The following SV2C variants were observed in gnomAD, a reference collection of about 807,000 sequenced individuals.
The protein encoded by SV2C is solute carrier family 22 member B3.
Under a neutral mutation model 79.7 loss-of-function variants are expected in SV2C, and 49 were observed. The ratio of observed to expected loss-of-function variants is 0.61; its 90% CI spans 0.49 to 0.78. The LOEUF (loss-of-function observed/expected upper bound fraction) is 0.78, where lower values mean the gene tolerates loss of function less well. Ranked by LOEUF, SV2C falls within the 30% of genes least tolerant of loss-of-function variation. SV2C has a pLI of 0.00. For missense variants in SV2C, 833 were observed against 912.9 expected, an observed-to-expected ratio of 0.91 and a Z score of 1.13; for synonymous variants, 334 against 333.2, an observed-to-expected ratio of 1.00 and a Z score of -0.03.
intron 4 of SV2C, among the ~76,000 whole-genome samples, chr5:76,260,665 A>T (rs1746434868): frequency 6.6e-6 from 1 of 152,206 alleles, no homozygotes; most frequent in Non-Finnish European, 1.5e-5. Flanking sequence ...TTATATGGCT[A>T]GCCAGTTTTC....
intron 4 of SV2C, among the ~76,000 whole-genome samples, chr5:76,261,474 T>A (rs35836282): frequency 0.61 from 92,154 of 152,016 alleles, 28,377 homozygotes; most frequent in Middle Eastern, 0.73. Flanking sequence ...AACTTCCAAT[T>A]CTATGTTGAA....
At chr5:76,291,583 C>G (rs1006787042) in intron 7 of SV2C, among the ~76,000 whole-genome samples, 185 bp from the exon 8 acceptor site, 2 of 152,194 alleles carry the variant, frequency 1.3e-5, no homozygotes, top group Non-Finnish European at 2.9e-5. Context: ...CTTGAGTTAC[C>G]TTGTCCATTG....
the SV2C span, among the ~76,000 whole-genome samples, chr5:75,878,011 A>G: frequency 6.6e-6 from 1 of 152,108 alleles, no homozygotes; most frequent in Non-Finnish European, 1.5e-5. Context: ...AGATGCTGGA[A>G]CACATCTGTA....
rs367938553 is a variant in SV2C, at chr5:76,291,328, C to T, written c.1245C>T (p.Tyr415=). The part of the protein sequence containing the change: ...RCFVRIRTEL[Y]GIWLTFMRCF... ...TTGTTCGGATCCGCACCGAGCTGTA[C>T]GGAGTAAGTAACAAGTCCCATGATG... The change falls in exon 7 of 13, where the codon TAC becomes TAT. Residue 415 remains tyrosine (Y), a synonymous_variant. Transcript: ENST00000502798. 28 of 1,594,044 alleles carry T rather than the reference C, an allele frequency of 1.8e-5. No homozygotes were observed. The highest frequency in any genetic ancestry group is 4.5e-5 in the South Asian group (4 of 88,108).
At chr5:75,936,012 G>A in the SV2C span, among the ~76,000 whole-genome samples, 1 of 152,182 alleles carries the variant, frequency 6.6e-6, no homozygotes, top group Admixed American at 6.5e-5. Context: ...GTAGCATCAA[G>A]TTATGCTAAA....
At chr5:75,919,496 G>A in the SV2C span, among the ~76,000 whole-genome samples, 1 of 152,088 alleles carries the variant, frequency 6.6e-6, no homozygotes, top group Non-Finnish European at 1.5e-5. Flanking sequence ...ATTATTGCTG[G>A]TTCCCGTAAC....
At chr5:75,988,399 A>G in the SV2C span, among the ~76,000 whole-genome samples, 2 of 151,990 alleles carry the variant, frequency 1.3e-5, no homozygotes, top group African/African-American at 4.8e-5. Flanking sequence ...TAAATAAATA[A>G]GAACTATTTA....
At chr5:76,120,368 T>A (rs910292944) in intron 1 of SV2C, among the ~76,000 whole-genome samples, 55 of 151,884 alleles carry the variant, frequency 3.6e-4, no homozygotes, top group African/African-American at 4.8e-4. Context: ...TTTCTCTTTT[T>A]TTATTATTAT....
chr5:76,353,208 G>C (rs978594323), exon 13 of SV2C: 4 of 389,038 alleles, frequency 1.0e-5, no homozygotes, highest in African/African-American at 8.5e-5. Flanking sequence ...GCCTCCCAAA[G>C]TTCTGGGATT....
chr5:76,347,495 A>C (rs1313360620), intron 12 of SV2C, among the ~76,000 whole-genome samples: 1 of 152,028 alleles, frequency 6.6e-6, no homozygotes, highest in African/African-American at 2.4e-5. Flanking sequence ...CCCAAGCTGG[A>C]GTGCAGGGGT....
At chr5:76,175,674 A>C (rs1438933736) in intron 2 of SV2C, among the ~76,000 whole-genome samples, 2 of 152,254 alleles carry the variant, frequency 1.3e-5, no homozygotes, top group African/African-American at 4.8e-5. Flanking sequence ...TTGTATGTTA[A>C]ATTGCTAAGT....
At chr5:75,957,745 T>G in the SV2C span, among the ~76,000 whole-genome samples, 3 of 152,054 alleles carry the variant, frequency 2.0e-5, no homozygotes, top group Non-Finnish European at 4.4e-5. Context: ...AAATACATCC[T>G]ACAAATATTT....
Position 76,291,749 on chromosome 5 carries a change from ACT to A in SV2C, c.1249-14_1249-13del, listed in dbSNP as rs746828088. 5.7e-6 allele frequency: 9 copies of A among 1,578,966 alleles called. No individual in the cohort carries two copies. The highest frequency in any genetic ancestry group is 1.7e-4 in the Middle Eastern group (1 of 6,018). On this transcript the variant is annotated splice_polypyrimidine_tract_variant and intron_variant, in intron 7 of 12. Transcript: ENST00000502798. ...ACTAAGTAACTGCATGAGAAAACTA[ACT>A]CTCTAATATTTCACAGATTTGGTTG...
In SV2C at chr5:76,228,042, TTCTCTC is replaced by T. The variant is rs1316181713; in HGVS notation, c.913+18157_913+18162del. Among the ~76,000 whole-genome samples the T allele has an allele frequency of 2.6e-5, 4 of 151,626 alleles. 1 individual carries two copies. In the East Asian group the frequency reaches 7.7e-4, roughly 29 times the overall value. ...ATGGTTCTCAGGCTTCTGGGGTTCTTTCTCTCTATCTCTCTCTCTCTCTCTCTTTCT... is the reference window on the plus strand; with the variant it reads ...ATGGTTCTCAGGCTTCTGGGGTTCTTTATCTCTCTCTCTCTCTCTCTTTCT... On this transcript the variant is annotated intron_variant, in intron 4 of 12. Coordinates refer to ENST00000502798, the MANE Select transcript of SV2C (RefSeq NM_014979.4).
chr5:76,225,663 G>A (rs552280857), intron 4 of SV2C, among the ~76,000 whole-genome samples: 19 of 152,218 alleles, frequency 1.2e-4, no homozygotes, highest in South Asian at 4.1e-4. Context: ...TATGTATTCC[G>A]TGCCCAGTCT....
At chr5:75,849,285 A>C in the SV2C span, among the ~76,000 whole-genome samples, 19,977 of 152,230 alleles carry the variant, frequency 0.13, 1,511 homozygotes, top group Middle Eastern at 0.2. Context: ...ATGGAAGAGC[A>C]GGTGGTTACA....
chr5:75,932,891 G>A, the SV2C span, among the ~76,000 whole-genome samples: 1 of 152,032 alleles, frequency 6.6e-6, no homozygotes, highest in Non-Finnish European at 1.5e-5. Context: ...CTTCCACAGG[G>A]GCTGATACAA....
At chr5:76,177,081 C>G (rs1251473302) in intron 2 of SV2C, among the ~76,000 whole-genome samples, 1 of 149,938 alleles carries the variant, frequency 6.7e-6, no homozygotes, top group Middle Eastern at 3.2e-3. Context: ...CGCCACTGCA[C>G]TCCAGCCTGG....
chr5:76,007,989 T>C, the SV2C span, among the ~76,000 whole-genome samples: 1 of 152,200 alleles, frequency 6.6e-6, no homozygotes, highest in Non-Finnish European at 1.5e-5. Context: ...AGAAACCTAA[T>C]GCCGGTGGCA....
Sources: allele counts gnomAD v4.1 joint callset (sites outside exome capture counted in the v4.1 genomes callset), GRCh38; gene constraint gnomAD v4.1.1; transcripts MANE v1.5; gene names NCBI Gene and HGNC (gene_info 2026-07-23, HGNC 2026-07-21).